The following SEC31A variants were observed in gnomAD, a reference collection of about 807,000 sequenced individuals.
SEC31A encodes SEC31 homolog A, COPII component.
In SEC31A, 70 loss-of-function variants were observed where a neutral mutation model predicts 151.0. The ratio of observed to expected loss-of-function variants is 0.46; its 90% CI spans 0.38 to 0.57. SEC31A has a LOEUF of 0.57. Among genes scored for constraint, SEC31A ranks in the 20% least tolerant of loss-of-function variants. SEC31A has a pLI of 0.00. For synonymous variants in SEC31A, 475 were observed against 505.9 expected (o/e 0.94, Z 0.82); for missense variants, 1,330 against 1,471.2 (o/e 0.90, Z 1.57).
intron 6 of SEC31A, among the ~76,000 whole-genome samples, chr4:82,872,669 T>C (rs1264062358): frequency 1.5e-5 from 1 of 66,790 alleles, no homozygotes; most frequent in African/African-American, 4.2e-5. Context: ...AGTTTTACTA[T>C]CAAAACTATA....
chr4:82,864,213 T>C, intron 11 of SEC31A, 149 bp downstream of exon 11: 1 of 622,006 alleles, frequency 1.6e-6, no homozygotes, highest in East Asian at 2.8e-5. Context: ...TTAGGTTGTA[T>C]GCTCTTTATA....
intron 10 of SEC31A, among the ~76,000 whole-genome samples, chr4:82,866,356 A>G (rs13104655): frequency 0.21 from 32,030 of 152,100 alleles, 3,456 homozygotes; most frequent in South Asian, 0.34. Context: ...TTGTAATCCC[A>G]GCTACCCAGG....
intron 22 of SEC31A, among the ~76,000 whole-genome samples, chr4:82,840,087 T>TG (rs1182495616): frequency 6.6e-6 from 1 of 152,218 alleles, no homozygotes; most frequent in Non-Finnish European, 1.5e-5. Flanking sequence ...TATCTCAACT[T>TG]GGAGACTATC....
At chr4:82,899,559 C>T (rs893039222) in intron 3 of SEC31A, 3 of 152,498 alleles carry the variant, frequency 2.0e-5, no homozygotes, top group Non-Finnish European at 4.4e-5. Flanking sequence ...AGTATTTGCC[C>T]TGCACATCCC....
chr4:82,853,816 C>T lies in SEC31A; in HGVS notation c.2009-101G>A, dbSNP rs1185553564. Reference sequence around the variant, plus strand: ...ATTTTCAGAGGCATGGATTAAGCTTCATAACCAATGAATAGCATAGAGAAA... The same window carrying T: ...ATTTTCAGAGGCATGGATTAAGCTTTATAACCAATGAATAGCATAGAGAAA... On this transcript the variant is annotated intron_variant, in intron 17 of 26. Coordinates refer to ENST00000395310, the MANE Select transcript of SEC31A (RefSeq NM_001077207.4). The T allele has an allele frequency of 6.7e-6, 6 of 891,428 alleles. No individual in the cohort carries two copies. The African/African-American group carries it at 1.1e-4, about 16-fold the overall frequency. 55.2% of individuals were successfully genotyped at this position (891,428 alleles called of 1,614,324 possible). A position where few individuals can be genotyped will look rare whatever the true frequency, so the allele number is the denominator to read the frequency against.
rs34634899 is a variant in SEC31A, at chr4:82,887,272, T to C, written c.-5+3816A>G. 7.1e-3 allele frequency among the ~76,000 whole-genome samples: 1,074 copies of C among 152,234 alleles called. 4 individuals are homozygous for C. The highest frequency in any genetic ancestry group is 0.012 in the Non-Finnish European group (819 of 68,002). On this transcript the variant is annotated intron_variant, in intron 1 of 26. Transcript: ENST00000395310. ...ATTAATGCTTGGTTAATGTGTAACATTGACTGAAAAAGAAAGAGACACATT... is the reference window on the plus strand; with the variant it reads ...ATTAATGCTTGGTTAATGTGTAACACTGACTGAAAAAGAAAGAGACACATT...
intron 20 of SEC31A, 82 bp downstream of exon 20, chr4:82,848,722 G>C (rs1179644835): frequency 8.4e-7 from 1 of 1,186,128 alleles, no homozygotes; most frequent in Non-Finnish European, 1.2e-6. Context: ...ATCAGAGAAG[G>C]TCTCCTGCTG....
At chr4:82,878,661 G>T in intron 4 of SEC31A, 69 bp downstream of exon 4, 1 of 1,308,240 alleles carries the variant, frequency 7.6e-7, no homozygotes, top group Non-Finnish European at 1.1e-6. Context: ...CTGAGGCATA[G>T]TAGATTCATA....
intron 1 of SEC31A, among the ~76,000 whole-genome samples, chr4:82,887,775 T>C (rs1284604496): frequency 6.6e-6 from 1 of 152,216 alleles, no homozygotes; most frequent in African/African-American, 2.4e-5. Context: ...ATACATCTAT[T>C]AGGCCGGGCG....
chr4:82,886,870 T>A (rs563409588), intron 1 of SEC31A, among the ~76,000 whole-genome samples: 34 of 152,252 alleles, frequency 2.2e-4, no homozygotes, highest in Non-Finnish European at 4.1e-4. Context: ...AGTTGCCTTA[T>A]GTGCTATCTT....
intron 25 of SEC31A, among the ~76,000 whole-genome samples, chr4:82,824,152 T>C (rs1724028128): frequency 6.6e-6 from 1 of 152,240 alleles, no homozygotes. Flanking sequence ...AAATATACCT[T>C]GTAGGACTTC....
Position 82,888,350 on chromosome 4 carries a change from CAAAAAA to C in SEC31A, c.-5+2732_-5+2737del, listed in dbSNP as rs1177774222. Reference sequence around the variant, plus strand: ...TGGGAGACAGAGCGAGACTCCGTCTCAAAAAAAAAAAAAAAAAAAAAAACACACAAA... The same window carrying C: ...TGGGAGACAGAGCGAGACTCCGTCTCAAAAAAAAAAAAAAAAACACACAAA... On this transcript the variant is annotated intron_variant, in intron 1 of 26. Transcript: ENST00000395310. 3.6e-3 allele frequency among the ~76,000 whole-genome samples: 95 copies of C among 26,172 alleles called. 2 individuals carry two copies. The highest frequency in any genetic ancestry group is 0.012 in the African/African-American group (80 of 6,516). The allele number at this position is 26,172 out of a possible 152,430, so 17.2% of individuals were successfully genotyped here.
At chr4:82,888,375 A>G (rs867597659) in intron 1 of SEC31A, among the ~76,000 whole-genome samples, 2 of 3,226 alleles carry the variant, frequency 6.2e-4, no homozygotes, top group Non-Finnish European at 1.3e-3. Flanking sequence ...AAAAAAAAAC[A>G]CACAAAAAAC....
intron 1 of SEC31A, among the ~76,000 whole-genome samples, chr4:82,888,361 A>G (rs1578412268): frequency 1.6e-4 from 1 of 6,342 alleles, no homozygotes; most frequent in Non-Finnish European, 2.9e-4. Flanking sequence ...AAAAAAAAAA[A>G]AAAAAAAAAA....
At chr4:82,863,634 T>C (rs1159100350) in intron 11 of SEC31A, among the ~76,000 whole-genome samples, 1 of 152,012 alleles carries the variant, frequency 6.6e-6, no homozygotes, top group African/African-American at 2.4e-5. Context: ...TATTTATTAA[T>C]AGTAAATATA....
chr4:82,899,412 A>T (rs1464313366), intron 3 of SEC31A: 1 of 152,250 alleles, frequency 6.6e-6, no homozygotes, highest in Non-Finnish European at 1.5e-5. Context: ...TTCCTTAAAG[A>T]TAGCTAAAAA....
At chr4:82,879,118 A>C (rs1738672011) in intron 3 of SEC31A, among the ~76,000 whole-genome samples, 190 bp from the exon 4 acceptor site, 1 of 152,208 alleles carries the variant, frequency 6.6e-6, no homozygotes, top group African/African-American at 2.4e-5. Context: ...TCATATTTGC[A>C]TATGTGATTT....
chr4:82,886,866 C>T (rs1395508576), intron 1 of SEC31A, among the ~76,000 whole-genome samples: 1 of 152,108 alleles, frequency 6.6e-6, no homozygotes, highest in African/African-American at 2.4e-5. Flanking sequence ...AACCAGTTGC[C>T]TTATGTGCTA....
intron 25 of SEC31A, among the ~76,000 whole-genome samples, chr4:82,823,271 T>C (rs887085988): frequency 7.9e-5 from 12 of 151,740 alleles, no homozygotes; most frequent in Admixed American, 2.6e-4. Flanking sequence ...AATTGGTGTG[T>C]TGTCATTCTT....
Sources: gnomAD v4.1 joint callset for allele counts (sites outside exome capture counted in the v4.1 genomes callset) on GRCh38, gnomAD v4.1.1 for gene constraint, MANE v1.5 for transcripts, NCBI Gene and HGNC (gene_info 2026-07-23, HGNC 2026-07-21) for gene names.